Variants in GALNT13 observed in about 807,000 individuals in gnomAD.
GALNT13 encodes the protein UDP-GalNAc:polypeptide N-acetylgalactosaminyltransferase 13.
A neutral mutation model predicts 64.2 loss-of-function variants in GALNT13; 28 were observed. The ratio of observed to expected loss-of-function variants is 0.44; its 90% CI spans 0.32 to 0.60. The LOEUF is 0.60. Ranked by LOEUF, GALNT13 falls within the 20% of genes least tolerant of loss-of-function variation. The pLI, the probability that GALNT13 is intolerant of heterozygous loss-of-function variation, is 0.05. For missense variants in GALNT13, 577 were observed against 669.8 expected, an observed-to-expected ratio of 0.86 and a Z score of 1.53; for synonymous variants, 214 against 224.6, an observed-to-expected ratio of 0.95 and a Z score of 0.42.
At chr2:153,643,059 G>A in the GALNT13 span, among the ~76,000 whole-genome samples, 1 of 151,282 alleles carries the variant, frequency 6.6e-6, no homozygotes, top group South Asian at 2.1e-4. Flanking sequence ...TTAGAAAAAT[G>A]TACAAATATT....
chr2:153,150,832 A>G, the GALNT13 span, among the ~76,000 whole-genome samples: 449 of 152,062 alleles, frequency 3.0e-3, 7 homozygotes, highest in African/African-American at 0.01. Flanking sequence ...ATTGGTTTAT[A>G]TCTCTGTTTT....
intron 2 of GALNT13, among the ~76,000 whole-genome samples, chr2:153,933,138 T>G (rs1690652061): frequency 1.3e-5 from 2 of 152,128 alleles, no homozygotes; most frequent in African/African-American, 2.4e-5. Context: ...GTTAGGTACA[T>G]TTGGTCAAAT....
chr2:154,018,610 G>A (rs892206161), intron 3 of GALNT13, among the ~76,000 whole-genome samples: 1 of 151,794 alleles, frequency 6.6e-6, no homozygotes, highest in Non-Finnish European at 1.5e-5. Flanking sequence ...GAGAGAGGGA[G>A]AGAGAATGAT....
chr2:154,377,854 C>A (rs573516218), intron 9 of GALNT13, among the ~76,000 whole-genome samples: 2 of 151,986 alleles, frequency 1.3e-5, no homozygotes, highest in East Asian at 3.9e-4. Context: ...GGTGAAGAAG[C>A]AAAGTCATTT....
chr2:153,250,811 G>T, the GALNT13 span, among the ~76,000 whole-genome samples: 3 of 151,906 alleles, frequency 2.0e-5, no homozygotes, highest in Admixed American at 6.6e-5. Flanking sequence ...GTTCTCAAAA[G>T]TGGGAGTTGA....
At chr2:154,025,399 A>T (rs116044518) in intron 3 of GALNT13, among the ~76,000 whole-genome samples, 1 of 152,202 alleles carries the variant, frequency 6.6e-6, no homozygotes, top group Non-Finnish European at 1.5e-5. Context: ...ATGTTTTAGT[A>T]CATTTTCTTT....
chr2:154,233,502 C>A (rs1689037515), intron 4 of GALNT13, among the ~76,000 whole-genome samples: 1 of 152,098 alleles, frequency 6.6e-6, no homozygotes, highest in South Asian at 2.1e-4. Flanking sequence ...CCTAGTAGTT[C>A]TTGATGCATG....
chr2:153,463,835 T>C, the GALNT13 span, among the ~76,000 whole-genome samples: 1 of 152,088 alleles, frequency 6.6e-6, no homozygotes, highest in African/African-American at 2.4e-5. Context: ...ACAGTAGTTG[T>C]TCCAAAGTGG....
chr2:153,363,644 A>G, the GALNT13 span, among the ~76,000 whole-genome samples: 1 of 152,206 alleles, frequency 6.6e-6, no homozygotes, highest in African/African-American at 2.4e-5. Context: ...GAAGAAATGG[A>G]TAAATTCCTG....
the GALNT13 span, among the ~76,000 whole-genome samples, chr2:153,143,525 T>G: frequency 4.6e-5 from 7 of 151,982 alleles, no homozygotes; most frequent in Admixed American, 2.6e-4. Flanking sequence ...TAGTTAGACC[T>G]GGGCATGAAA....
At chr2:153,459,657 A>T in the GALNT13 span, among the ~76,000 whole-genome samples, 1 of 152,166 alleles carries the variant, frequency 6.6e-6, no homozygotes, top group African/African-American at 2.4e-5. Flanking sequence ...AACACAAACA[A>T]ACATATAGGA....
the GALNT13 span, among the ~76,000 whole-genome samples, chr2:153,526,588 C>T: frequency 6.6e-6 from 1 of 152,154 alleles, no homozygotes; most frequent in Non-Finnish European, 1.5e-5. Flanking sequence ...TGGAAACAAA[C>T]AAGTCCAGAC....
the GALNT13 span, among the ~76,000 whole-genome samples, chr2:153,625,300 C>A: frequency 6.6e-6 from 1 of 152,012 alleles, no homozygotes; most frequent in Non-Finnish European, 1.5e-5. Flanking sequence ...TAAGAAAGAG[C>A]TATGTTCAAA....
intron 3 of GALNT13, among the ~76,000 whole-genome samples, chr2:154,072,519 A>G (rs544570505): frequency 6.5e-4 from 99 of 152,054 alleles, no homozygotes; most frequent in Non-Finnish European, 1.1e-3. Flanking sequence ...CAAAACATCA[A>G]TGTAACCCTC....
chr2:153,831,266 A>C, the GALNT13 span, among the ~76,000 whole-genome samples: 1 of 152,180 alleles, frequency 6.6e-6, no homozygotes, highest in Non-Finnish European at 1.5e-5. Context: ...CTATTAATGT[A>C]CTTAGGAAAA....
the GALNT13 span, among the ~76,000 whole-genome samples, chr2:153,650,041 T>C: frequency 6.6e-6 from 1 of 152,198 alleles, no homozygotes; most frequent in South Asian, 2.1e-4. Flanking sequence ...GTCTCATTGA[T>C]CTGTCTAATG....
At chr2:153,230,685 T>A in the GALNT13 span, among the ~76,000 whole-genome samples, 1 of 152,186 alleles carries the variant, frequency 6.6e-6, no homozygotes, top group Non-Finnish European at 1.5e-5. Context: ...CTAGAAATAG[T>A]TTTGAAAATT....
At chr2:153,497,521 C>CCTTTTT in the GALNT13 span, among the ~76,000 whole-genome samples, 2 of 54,758 alleles carry the variant, frequency 3.7e-5, no homozygotes, top group Admixed American at 2.2e-4. Context: ...GTTTCTCCCG[C>CCTTTTT]ATTTTTTTTT....
the GALNT13 span, among the ~76,000 whole-genome samples, chr2:153,479,277 G>A: frequency 2.0e-5 from 3 of 152,198 alleles, no homozygotes; most frequent in Non-Finnish European, 4.4e-5. Flanking sequence ...TTCTAGTGGA[G>A]TGGAGGTGAT....
Sources: allele counts gnomAD v4.1 joint callset (sites outside exome capture counted in the v4.1 genomes callset), GRCh38; gene constraint gnomAD v4.1.1; transcripts MANE v1.5; gene names NCBI Gene and HGNC (gene_info 2026-07-23, HGNC 2026-07-21).